Variants in SLIT2 observed in about 807,000 individuals in gnomAD.
The protein encoded by SLIT2 is slit guidance ligand 2.
In SLIT2, 41 loss-of-function variants were observed where a neutral mutation model predicts 185.7. The observed-to-expected ratio is 0.22, with a 90% CI of 0.17 to 0.29. The LOEUF (loss-of-function observed/expected upper bound fraction) is 0.29, where lower values mean the gene tolerates loss of function less well. Among genes scored for constraint, SLIT2 ranks in the 10% least tolerant of loss-of-function variants. The pLI is 1.00. For synonymous variants in SLIT2, 693 were observed against 680.2 expected (o/e 1.02, Z -0.29); for missense variants, 1,571 against 1,909.0 (o/e 0.82, Z 3.30).
intron 4 of SLIT2, among the ~76,000 whole-genome samples, chr4:20,303,925 T>C (rs1239787731): frequency 6.6e-6 from 1 of 152,230 alleles, no homozygotes; most frequent in Non-Finnish European, 1.5e-5. Context: ...GGCTGGTCTA[T>C]GCCACACTAC....
intron 29 of SLIT2, among the ~76,000 whole-genome samples, chr4:20,575,341 A>C (rs530130427): frequency 3.9e-5 from 6 of 152,374 alleles, no homozygotes; most frequent in African/African-American, 1.4e-4. Context: ...TTGGAAATAG[A>C]ATTTCCATTT....
At chr4:20,284,090 T>C (rs1453623033) in intron 4 of SLIT2, among the ~76,000 whole-genome samples, 1 of 152,150 alleles carries the variant, frequency 6.6e-6, no homozygotes, top group Non-Finnish European at 1.5e-5. Flanking sequence ...CCTGCCAGAA[T>C]TGGAATCCTA....
At chr4:20,366,144 C>T (rs988512765) in intron 4 of SLIT2, among the ~76,000 whole-genome samples, 1 of 152,038 alleles carries the variant, frequency 6.6e-6, no homozygotes, top group African/African-American at 2.4e-5. Context: ...TTAATCTCAT[C>T]CATCCTCCCT....
chr4:20,255,004 G>A (rs1367652283), intron 1 of SLIT2: 2 of 456,304 alleles, frequency 4.4e-6, no homozygotes, highest in Non-Finnish European at 8.8e-6. Flanking sequence ...AGAGTTCAGC[G>A]AAGTGGAGCA....
intron 4 of SLIT2, among the ~76,000 whole-genome samples, chr4:20,355,584 G>A (rs1375437191): frequency 6.6e-6 from 1 of 152,030 alleles, no homozygotes; most frequent in Non-Finnish European, 1.5e-5. Flanking sequence ...ACTTTTCCTA[G>A]CAAATGCAGG....
intron 33 of SLIT2, among the ~76,000 whole-genome samples, chr4:20,600,412 C>CTTTTTTTTTTTTTTTTTTTTTTTTT (rs1560230010): frequency 8.0e-6 from 1 of 125,632 alleles, no homozygotes; most frequent in African/African-American, 3.4e-5. Context: ...TATTATGTTG[C>CTTTTTTTTTTTTTTTTTTTTTTTTT]ATTTTTTTTT....
chr4:20,312,432 A>G (rs1027677952), intron 4 of SLIT2, among the ~76,000 whole-genome samples: 1 of 152,160 alleles, frequency 6.6e-6, no homozygotes, highest in African/African-American at 2.4e-5. Context: ...TCATATTGAT[A>G]AAGTGTTATA....
At chr4:20,383,644 G>A (rs974366957) in intron 4 of SLIT2, among the ~76,000 whole-genome samples, 2 of 152,080 alleles carry the variant, frequency 1.3e-5, no homozygotes, top group Non-Finnish European at 2.9e-5. Flanking sequence ...ATTTATATTG[G>A]AAGACATTTC....
At position 20,528,033 on chromosome 4, in the gene SLIT2, T is replaced by C. The variant is rs1388799162; in HGVS notation, c.1463-916T>C. On this transcript the variant is annotated intron_variant, in intron 15 of 36. Coordinates refer to ENST00000504154, the MANE Select transcript of SLIT2 (RefSeq NM_004787.4). This position sits in a 1 kb window ranked among gnomAD's most constrained non-coding sequence, Gnocchi z 4.2. ...CCTTCAACTTCTTCCTGGATGTTGT[T>C]CCCGAAAGCTGTTGTTTCCATTCTG... Among the ~76,000 whole-genome samples, 1 of 152,192 alleles carries C rather than the reference T, an allele frequency of 6.6e-6. No individual in the cohort carries two copies. Among genetic ancestry groups the C allele is most frequent in the African/African-American group, 2.4e-5 (1 of 41,450 alleles).
chr4:20,541,837 T>C (rs1343436230), intron 20 of SLIT2, among the ~76,000 whole-genome samples: 1 of 144,516 alleles, frequency 6.9e-6, no homozygotes, highest in Non-Finnish European at 1.6e-5. Context: ...TGTTTTAGAT[T>C]TTCTAGTTTC....
chr4:20,362,684 A>C (rs986104402), intron 4 of SLIT2, among the ~76,000 whole-genome samples: 1 of 151,812 alleles, frequency 6.6e-6, no homozygotes, highest in African/African-American at 2.4e-5. Context: ...TATTCACTTA[A>C]AAAGTAAGGT....
chr4:20,600,658 C>T (rs932803175), intron 33 of SLIT2, among the ~76,000 whole-genome samples: 1 of 151,814 alleles, frequency 6.6e-6, no homozygotes, highest in South Asian at 2.1e-4. Flanking sequence ...TCTCCAACCT[C>T]GTGATCCGTC....
chr4:20,614,691 C>T (rs923017650), intron 34 of SLIT2, among the ~76,000 whole-genome samples: 13 of 151,400 alleles, frequency 8.6e-5, no homozygotes, highest in African/African-American at 3.2e-4. Context: ...GCAGGAGAAT[C>T]GCTTGAACCC....
At chr4:20,486,056 AT>A in intron 6 of SLIT2, 143 bp from the exon 7 acceptor site, 1 of 626,436 alleles carries the variant, frequency 1.6e-6, no homozygotes, top group South Asian at 1.9e-5. Context: ...CAACTTGTCT[AT>A]AGAGTAGTGC....
chr4:20,452,362 G>A (rs1031962272), intron 4 of SLIT2, among the ~76,000 whole-genome samples: 2 of 152,164 alleles, frequency 1.3e-5, no homozygotes, highest in African/African-American at 4.8e-5. Context: ...CTTCTTCTTA[G>A]TGTTGTGAAT....
chr4:20,329,254 A>G (rs1380502656), intron 4 of SLIT2, among the ~76,000 whole-genome samples: 2 of 152,068 alleles, frequency 1.3e-5, no homozygotes, highest in African/African-American at 4.8e-5. Flanking sequence ...TCTCCAGGAA[A>G]TTTACAGTCC....
intron 29 of SLIT2, among the ~76,000 whole-genome samples, chr4:20,577,654 A>G (rs1240044710): frequency 6.6e-6 from 1 of 152,194 alleles, no homozygotes; most frequent in Non-Finnish European, 1.5e-5. Context: ...AACTTAATGA[A>G]GCTGCCCTGT....
intron 22 of SLIT2, among the ~76,000 whole-genome samples, chr4:20,547,190 A>G (rs1172933506): frequency 6.6e-6 from 1 of 152,162 alleles, no homozygotes; most frequent in Non-Finnish European, 1.5e-5. Flanking sequence ...GATATCCTCT[A>G]AGATGTCTTG....
Position 20,375,766 on chromosome 4 carries a change from A to G in SLIT2, c.396-91986A>G, listed in dbSNP as rs537191707. 1.8e-4 allele frequency among the ~76,000 whole-genome samples: 27 copies of G among 152,152 alleles called. 1 individual carries two copies. Among genetic ancestry groups the G allele is most frequent in the African/African-American group, 6.5e-4 (27 of 41,560 alleles). On this transcript the variant is annotated intron_variant, in intron 4 of 36. Coordinates refer to ENST00000504154, the MANE Select transcript of SLIT2 (RefSeq NM_004787.4). ...ATCAAAGGATCTAATTTTAGAGTTTAATTTTATACTTTGTAGATGTCTGAA... is the reference window on the plus strand; with the variant it reads ...ATCAAAGGATCTAATTTTAGAGTTTGATTTTATACTTTGTAGATGTCTGAA...
Sources: gnomAD v4.1 joint callset for allele counts (sites outside exome capture counted in the v4.1 genomes callset) on GRCh38, gnomAD v4.1.1 for gene constraint, Gnocchi (gnomAD v3.1) non-coding constraint, MANE v1.5 for transcripts, NCBI Gene and HGNC (gene_info 2026-07-23, HGNC 2026-07-21) for gene names.